Variants in ABI3BP observed in about 807,000 individuals in gnomAD.
ABI3BP encodes target of Nesh-SH3.
Under a neutral mutation model 268.6 loss-of-function variants are expected in ABI3BP, and 216 were observed. That is an observed-to-expected ratio of 0.80 (90% confidence interval 0.72 to 0.90). The LOEUF (loss-of-function observed/expected upper bound fraction) is 0.90, where lower values mean the gene tolerates loss of function less well. ABI3BP is among the 40% of genes least tolerant of loss of function. The pLI, the probability that ABI3BP is intolerant of heterozygous loss-of-function variation, is 0.00. For synonymous variants in ABI3BP, 730 were observed against 730.0 expected (o/e 1.00, Z 0.00); for missense variants, 2,090 against 2,182.4 (o/e 0.96, Z 0.84).
chr3:100,816,637 T>C (rs2098055985), intron 43 of ABI3BP, 51 bp downstream of exon 43: 1 of 1,404,282 alleles, frequency 7.1e-7, no homozygotes, highest in African/African-American at 1.4e-5. Context: ...TGGGACAGCC[T>C]GCCAGGGTTC....
chr3:100,982,355 G>T (rs747176040), intron 1 of ABI3BP, among the ~76,000 whole-genome samples: 31 of 151,934 alleles, frequency 2.0e-4, no homozygotes, highest in Non-Finnish European at 3.8e-4. Flanking sequence ...GGTTAAGAAA[G>T]TTACTATCAA....
rs188001414 is a variant in ABI3BP, at chr3:100,939,992, G to T, written c.80-13511C>A. On this transcript the variant is annotated intron_variant, in intron 1 of 67. Transcript: ENST00000471714. ...ATATTTCTCCCATTTGCTTTTGAAA[G>T]AAGAGAAATAGGGCTCTGTTCCGCC... 2.0e-5 allele frequency among the ~76,000 whole-genome samples: 3 copies of T among 152,220 alleles called. No individual in the cohort carries two copies. The East Asian group carries it at 5.8e-4, about 29-fold the overall frequency.
intron 6 of ABI3BP, among the ~76,000 whole-genome samples, chr3:100,881,057 T>G (rs1016706600): frequency 1.3e-5 from 2 of 152,210 alleles, no homozygotes; most frequent in African/African-American, 4.8e-5. Flanking sequence ...TAATGAAAGT[T>G]ACAAAACATA....
At chr3:100,847,790 C>A (rs2098789738) in intron 18 of ABI3BP, 117 bp from the exon 19 acceptor site, 1 of 816,264 alleles carries the variant, frequency 1.2e-6, no homozygotes, top group East Asian at 2.5e-5. Flanking sequence ...TCAAAGTATA[C>A]AATGAGTAAA....
rs2064608491 is a variant in ABI3BP at position 100,933,632 on chromosome 3, A to ATATAT, written c.80-7152_80-7151insATATA. 2.0e-4 allele frequency among the ~76,000 whole-genome samples: 30 copies of ATATAT among 146,414 alleles called. No individual in the cohort carries two copies. The East Asian group carries it at 5.4e-3, about 26-fold the overall frequency. The stretch of plus-strand genomic sequence containing the variant: ...CTACCCATTGGGAGACAATATTTGC[A>ATATAT]ATATATATATATATCTATTGAAGGA... On this transcript the variant is annotated intron_variant, in intron 1 of 67. Transcript: ENST00000471714.
chr3:100,923,993 C>G (rs940889042), intron 2 of ABI3BP, among the ~76,000 whole-genome samples: 1 of 152,052 alleles, frequency 6.6e-6, no homozygotes, highest in African/African-American at 2.4e-5. Flanking sequence ...ATACATAGTA[C>G]CACCTGTAAA....
chr3:100,787,815 G>A lies in ABI3BP; in HGVS notation c.4088-13C>T. ...GTCCTATTCAGAACTAAAATAAAGT[G>A]GGATATAAATAGTTCATTTTCTTAT... On this transcript the variant is annotated splice_polypyrimidine_tract_variant and intron_variant, in intron 56 of 67. Transcript: ENST00000471714. 6.6e-7 allele frequency: 1 copy of A among 1,504,524 alleles called. No individual in the cohort carries two copies. The highest frequency in any genetic ancestry group is 1.3e-5 in the South Asian group (1 of 78,486). The allele number at this position is 1,504,524 out of a possible 1,614,324, so 93.2% of individuals were successfully genotyped here.
At chr3:100,970,065 A>T (rs1246064429) in intron 1 of ABI3BP, among the ~76,000 whole-genome samples, 1 of 152,078 alleles carries the variant, frequency 6.6e-6, no homozygotes, top group Admixed American at 6.6e-5. Flanking sequence ...CATTCCTCTA[A>T]CTTCTTGCTG....
rs9824996 is a variant in ABI3BP at position 100,883,174 on chromosome 3, G to A, written c.696+2362C>T. Among the ~76,000 whole-genome samples, 151 of 151,906 alleles carry A rather than the reference G, an allele frequency of 9.9e-4. 1 individual carries two copies. The highest frequency in any genetic ancestry group is 1.9e-3 in the Non-Finnish European group (131 of 67,916). Reference sequence around the variant, plus strand: ...ATACCATAGTTAAATAAAATTCACAGAATTATTATAAAATCAAACCACTTA... The same window carrying A: ...ATACCATAGTTAAATAAAATTCACAAAATTATTATAAAATCAAACCACTTA... On this transcript the variant is annotated intron_variant, in intron 6 of 67. Transcript: ENST00000471714.
rs1423350842 is a variant in ABI3BP at position 100,834,752 on chromosome 3, G to C, written c.2213C>G (p.Thr738Arg). Residue 738 changes from threonine (T) to arginine (R), a missense_variant, in exon 29 of 68, where the codon ACA becomes AGA. By Grantham distance (71) the Thr-to-Arg change is moderately conservative (BLOSUM62 -1). Coordinates refer to ENST00000471714, the MANE Select transcript of ABI3BP (RefSeq NM_001375547.2). ...TTTGGGACGTGGACGACGTGTTCTT[G>C]TTCGTTGCGATGTTTTTGGAGCTAA... is the stretch of plus-strand genomic sequence containing the variant. ...TTLAPKTSQRTRTRRPRPKHK... is the reference protein window; with the variant it reads ...TTLAPKTSQRRRTRRPRPKHK... 1 of 1,535,668 alleles carries C rather than the reference G, an allele frequency of 6.5e-7. No homozygotes were observed. The highest frequency in any genetic ancestry group is 2.0e-5 in the Admixed American group (1 of 50,974).
intron 1 of ABI3BP, among the ~76,000 whole-genome samples, chr3:100,934,942 A>G (rs1012591595): frequency 6.6e-6 from 1 of 152,104 alleles, no homozygotes; most frequent in South Asian, 2.1e-4. Flanking sequence ...GTTCACTCTG[A>G]TGATAGTTTC....
At chr3:100,873,469 G>A (rs1177968354) in intron 9 of ABI3BP, among the ~76,000 whole-genome samples, 1 of 152,120 alleles carries the variant, frequency 6.6e-6, no homozygotes, top group African/African-American at 2.4e-5. Context: ...ATTGGCTTGT[G>A]GGATCCGCAC....
At chr3:100,924,111 G>A (rs2061109497) in intron 2 of ABI3BP, among the ~76,000 whole-genome samples, 1 of 152,096 alleles carries the variant, frequency 6.6e-6, no homozygotes, top group Non-Finnish European at 1.5e-5. Context: ...AGAAAATACA[G>A]AATGGAAGCA....
Position 100,876,573 on chromosome 3 carries a change from G to A in ABI3BP, c.697-13C>T, listed in dbSNP as rs768996764. ...GGACATATGCTGGCTGCAAAGAGAA[G>A]AAGAAAGTCAACTTTTGAGTCATTG... On this transcript the variant is annotated splice_polypyrimidine_tract_variant and intron_variant, in intron 6 of 67. Transcript: ENST00000471714. 4 of 1,611,968 alleles carry A rather than the reference G, an allele frequency of 2.5e-6. No homozygotes were observed. In the Admixed American group the frequency reaches 6.7e-5, roughly 27 times the overall value.
At chr3:100,769,840 G>C (rs959115208) in intron 62 of ABI3BP, among the ~76,000 whole-genome samples, 1 of 152,226 alleles carries the variant, frequency 6.6e-6, no homozygotes, top group Non-Finnish European at 1.5e-5. Flanking sequence ...CTCACAAAAC[G>C]TGGTAAAGAA....
intron 1 of ABI3BP, among the ~76,000 whole-genome samples, chr3:100,964,622 C>T (rs951725485): frequency 1.3e-5 from 2 of 152,182 alleles, no homozygotes; most frequent in African/African-American, 4.8e-5. Context: ...ATCTTTTTGC[C>T]TCGCTAGAAT....
chr3:100,912,293 A>AAAAAAAAAAC (rs1561574798), intron 2 of ABI3BP: 4 of 156,084 alleles, frequency 2.6e-5, no homozygotes, highest in African/African-American at 9.7e-5. Flanking sequence ...AAAAAAAAAA[A>AAAAAAAAAAC]AAAAAAAAAA....
chr3:100,888,982 T>G (rs2043221388), intron 4 of ABI3BP, among the ~76,000 whole-genome samples: 1 of 152,228 alleles, frequency 6.6e-6, no homozygotes, highest in East Asian at 1.9e-4. Context: ...AATGAATATG[T>G]GGTGCTCTAA....
chr3:100,862,707 C>A, intron 13 of ABI3BP, 131 bp downstream of exon 13: 2 of 659,792 alleles, frequency 3.0e-6, no homozygotes, highest in Non-Finnish European at 4.9e-6. Flanking sequence ...AAAAAAAAAT[C>A]AAATCAACCA....
Sources: gnomAD v4.1 joint callset for allele counts (sites outside exome capture counted in the v4.1 genomes callset) on GRCh38, gnomAD v4.1.1 for gene constraint, MANE v1.5 for transcripts, NCBI Gene and HGNC (gene_info 2026-07-23, HGNC 2026-07-21) for gene names.